CSMD1: variants seen among roughly 807,000 people sequenced by gnomAD.
CSMD1 encodes the protein CUB and Sushi multiple domains 1, also known as CUB and sushi domain-containing protein 1.
Under a neutral mutation model 417.5 loss-of-function variants are expected in CSMD1, and 213 were observed. That is an observed-to-expected ratio of 0.51 (90% CI 0.46 to 0.57). CSMD1 has a LOEUF of 0.57. CSMD1 is among the 20% of genes least tolerant of loss of function. The pLI, the probability that CSMD1 is intolerant of heterozygous loss-of-function variation, is 0.00. For synonymous variants in CSMD1, 2,862 were observed against 1,736.8 expected, an observed-to-expected ratio of 1.65 and a Z score of -16.11; for missense variants, 6,923 against 4,529.7, an observed-to-expected ratio of 1.53 and a Z score of -15.17.
At chr8:3,497,191 C>G (rs1300581431) in intron 10 of CSMD1, among the ~76,000 whole-genome samples, 1 of 152,072 alleles carries the variant, frequency 6.6e-6, no homozygotes, top group East Asian at 1.9e-4. Flanking sequence ...AAGTTTAACA[C>G]TTCTTTATTA....
intron 3 of CSMD1, among the ~76,000 whole-genome samples, chr8:4,046,314 T>C (rs531833514): frequency 6.6e-6 from 1 of 152,322 alleles, no homozygotes; most frequent in South Asian, 2.1e-4. Context: ...CTCTTCTTTG[T>C]CCTGGAAGTT....
intron 2 of CSMD1, among the ~76,000 whole-genome samples, chr8:4,438,899 G>A (rs138564498): frequency 6.6e-6 from 1 of 152,178 alleles, no homozygotes; most frequent in Non-Finnish European, 1.5e-5. Flanking sequence ...AAGACCAACG[G>A]AGTTTAAGTA....
At chr8:3,415,050 C>A (rs1051936954) in intron 12 of CSMD1, among the ~76,000 whole-genome samples, 34 of 152,110 alleles carry the variant, frequency 2.2e-4, no homozygotes, top group African/African-American at 8.2e-4. Context: ...ACAACAGATG[C>A]TTTTCTAAAT....
At chr8:4,240,785 C>A (rs1337782158) in intron 3 of CSMD1, among the ~76,000 whole-genome samples, 1 of 152,148 alleles carries the variant, frequency 6.6e-6, no homozygotes, top group Non-Finnish European at 1.5e-5. Flanking sequence ...ATAAAAGTGA[C>A]AGCCAAAAAT....
intron 10 of CSMD1, among the ~76,000 whole-genome samples, chr8:3,494,594 AG>A (rs1796286971): frequency 6.8e-6 from 1 of 146,240 alleles, no homozygotes; most frequent in Non-Finnish European, 1.5e-5. Context: ...ATAGATAGAT[AG>A]ATAGATAGAT....
rs549396393 is a variant in CSMD1 at position 4,060,288 on chromosome 8, G to A, written c.416-28189C>T. On this transcript the variant is annotated intron_variant, in intron 3 of 69. Coordinates refer to ENST00000635120, the MANE Select transcript of CSMD1 (RefSeq NM_033225.6). Reference sequence around the variant, plus strand: ...TCAATAAATTAGGTATTGATGGGACGTATCTCAGAATAATAAGAGTTATCT... The same window carrying A: ...TCAATAAATTAGGTATTGATGGGACATATCTCAGAATAATAAGAGTTATCT... Among the ~76,000 whole-genome samples, 42 of 152,212 alleles carry A rather than the reference G, an allele frequency of 2.8e-4. No individual in the cohort carries two copies. The East Asian group carries it at 6.6e-3, about 24-fold the overall frequency.
intron 3 of CSMD1, among the ~76,000 whole-genome samples, chr8:4,102,875 C>A (rs560281309): frequency 2.0e-5 from 3 of 152,292 alleles, no homozygotes; most frequent in Admixed American, 6.5e-5. Flanking sequence ...AGCGCCCTTA[C>A]CTCTGCAGTC....
intron 6 of CSMD1, among the ~76,000 whole-genome samples, chr8:3,732,090 T>C (rs1379210834): frequency 6.6e-6 from 1 of 152,118 alleles, no homozygotes; most frequent in Non-Finnish European, 1.5e-5. Context: ...ATAAAATGGA[T>C]GCCACCAGGG....
chr8:3,380,607 G>C (rs1810571452), intron 18 of CSMD1, among the ~76,000 whole-genome samples: 1 of 152,128 alleles, frequency 6.6e-6, no homozygotes, highest in South Asian at 2.1e-4. Context: ...GATGAATCTG[G>C]AAACCATCAC....
intron 1 of CSMD1, among the ~76,000 whole-genome samples, chr8:4,921,041 G>A (rs1384969379): frequency 9.9e-6 from 1 of 101,028 alleles, no homozygotes; most frequent in African/African-American, 3.8e-5. Flanking sequence ...AGAAAGGAAG[G>A]AAGAAAGAAA....
intron 5 of CSMD1, among the ~76,000 whole-genome samples, chr8:3,881,536 C>T (rs1485137166): frequency 2.0e-5 from 3 of 148,040 alleles, no homozygotes; most frequent in African/African-American, 5.0e-5. Flanking sequence ...ACTCAGGAGG[C>T]TGAGGTTGCA....
intron 12 of CSMD1, among the ~76,000 whole-genome samples, chr8:3,426,090 G>A (rs1301416234): frequency 6.6e-6 from 1 of 152,180 alleles, no homozygotes; most frequent in Non-Finnish European, 1.5e-5. Context: ...AAGCAGAACA[G>A]ACTATTGCAT....
chr8:4,116,648 A>C (rs1159027733), intron 3 of CSMD1, among the ~76,000 whole-genome samples: 1 of 150,252 alleles, frequency 6.7e-6, no homozygotes, highest in African/African-American at 2.5e-5. Flanking sequence ...CCCTAACGTA[A>C]GCTGTACACA....
intron 3 of CSMD1, among the ~76,000 whole-genome samples, chr8:4,226,733 A>T (rs1315048577): frequency 6.6e-6 from 1 of 152,210 alleles, no homozygotes; most frequent in Non-Finnish European, 1.5e-5. Flanking sequence ...AGTTTTTAAT[A>T]ATCAGTTAAC....
chr8:4,437,528 A>T (rs1798217058), intron 2 of CSMD1, among the ~76,000 whole-genome samples: 1 of 152,082 alleles, frequency 6.6e-6, no homozygotes, highest in Non-Finnish European at 1.5e-5. Context: ...TTTGTCATTT[A>T]TTTCATATTT....
intron 7 of CSMD1, among the ~76,000 whole-genome samples, chr8:3,676,331 G>C (rs1326494310): frequency 6.6e-6 from 1 of 152,160 alleles, no homozygotes; most frequent in Admixed American, 6.6e-5. Flanking sequence ...CTGAAGAGCA[G>C]GTGGAGGTGG....
intron 3 of CSMD1, among the ~76,000 whole-genome samples, chr8:4,102,864 C>G (rs796371996): frequency 3.9e-5 from 6 of 152,168 alleles, no homozygotes; most frequent in Admixed American, 3.3e-4. Flanking sequence ...TCCTGAGAAC[C>G]AGCGCCCTTA....
At chr8:3,308,197 A>G in intron 24 of CSMD1, 115 bp downstream of exon 24, 1 of 776,352 alleles carries the variant, frequency 1.3e-6, no homozygotes, top group Non-Finnish European at 2.0e-6. Context: ...TAAAACTCAC[A>G]CTGGAAAGTG....
chr8:4,347,613 T>A (rs575104328), intron 3 of CSMD1, among the ~76,000 whole-genome samples: 1 of 152,310 alleles, frequency 6.6e-6, no homozygotes, highest in South Asian at 2.1e-4. Flanking sequence ...CCATCTGCTC[T>A]GAGTCTTCTA....
Sources: gnomAD v4.1 joint callset for allele counts (sites outside exome capture counted in the v4.1 genomes callset) on GRCh38, gnomAD v4.1.1 for gene constraint, MANE v1.5 for transcripts, NCBI Gene and HGNC (gene_info 2026-07-23, HGNC 2026-07-21) for gene names.